INCENP: variants seen among roughly 807,000 people sequenced by gnomAD.
INCENP encodes the protein inner centromere protein, also known as binds and activates aurora-B and -C in vivo and in vitro.
INCENP carries 43 observed loss-of-function variants against 107.3 expected under a neutral mutation model. That is an observed-to-expected ratio of 0.40 (90% confidence interval 0.31 to 0.52). INCENP has a LOEUF of 0.52. Among genes scored for constraint, INCENP ranks in the 20% least tolerant of loss-of-function variants. INCENP has a pLI of 0.53. For synonymous variants in INCENP, 488 were observed against 494.4 expected, an observed-to-expected ratio of 0.99 and a Z score of 0.17; for missense variants, 1,089 against 1,250.9, an observed-to-expected ratio of 0.87 and a Z score of 1.95.
chr11:62,141,203 T>C (rs1944114780), intron 10 of INCENP, among the ~76,000 whole-genome samples, 159 bp downstream of exon 10: 1 of 152,198 alleles, frequency 6.6e-6, no homozygotes, highest in Non-Finnish European at 1.5e-5. Context: ...GGCCACCGGC[T>C]GTCTTGACCT....
rs371190959 is a variant in INCENP, at chr11:62,150,232, G to C, written c.2542+25G>C. 294 of 1,612,748 alleles carry C rather than the reference G, an allele frequency of 1.8e-4. 2 individuals carry two copies. In the African/African-American group the frequency reaches 3.6e-3, roughly 20 times the overall value. ...GGTAAGCAAAGCCCACAGCTCCCTG[G>C]GAGACTCAGGCCCTCCCTGGTCCTC... On this transcript the variant is annotated intron_variant, in intron 18 of 18. Coordinates refer to ENST00000394818, the MANE Select transcript of INCENP (RefSeq NM_001040694.2).
intron 18 of INCENP, among the ~76,000 whole-genome samples, chr11:62,151,246 G>A (rs1482902389): frequency 2.0e-5 from 3 of 152,198 alleles, no homozygotes; most frequent in African/African-American, 4.8e-5. Flanking sequence ...CTGGCCTCCT[G>A]ATCCCCTGGG....
At position 62,150,259 on chromosome 11, in the gene INCENP, C is replaced by T. The variant is rs367562513; in HGVS notation, c.2542+52C>T. Reference sequence around the variant, plus strand: ...AGACTCAGGCCCTCCCTGGTCCTCACCTTGAGGGCCCTGGAAGTAGTGGGT... The same window carrying T: ...AGACTCAGGCCCTCCCTGGTCCTCATCTTGAGGGCCCTGGAAGTAGTGGGT... On this transcript the variant is annotated intron_variant, in intron 18 of 18. Transcript: ENST00000394818. 6,297 of 1,581,732 alleles carry T rather than the reference C, an allele frequency of 4.0e-3. 22 individuals are homozygous for T. The highest frequency in any genetic ancestry group is 5.9e-3 in the South Asian group (531 of 89,502).
Position 62,128,674 on chromosome 11 carries a change from G to T in INCENP, c.141-96G>T, listed in dbSNP as rs1364151285. ...GGTGCTGGACACCCCAGCTTGACCT[G>T]TCGCTGCCAGGAAATGGGCAGGGGC... On this transcript the variant is annotated intron_variant, in intron 2 of 18. Transcript: ENST00000394818. The T allele has an allele frequency of 3.4e-6, 3 of 881,158 alleles. No individual in the cohort carries two copies. The African/African-American group carries it at 4.9e-5, about 14-fold the overall frequency. The allele number at this position is 881,158 out of a possible 1,614,324, so 54.6% of individuals were successfully genotyped here.
chr11:62,129,877 A>G lies in INCENP; in HGVS notation c.350A>G (p.Asn117Ser). 1 of 1,613,482 alleles carries G rather than the reference A, an allele frequency of 6.2e-7. No individual in the cohort carries two copies. The highest frequency in any genetic ancestry group is 1.1e-5 in the South Asian group (1 of 91,064). Reference protein sequence around the residue: ...VEKLATVVGENGSVLRRVTRA... With the variant: ...VEKLATVVGESGSVLRRVTRA... ...AAGCTGGCTACAGTGGTCGGGGAGA[A>G]CGGCTCCGTCCTGCGGCGTGTGACC... The change falls in exon 4 of 19, where the codon AAC becomes AGC. Residue 117 changes from asparagine to serine, a missense_variant. Physicochemically the swap from Asn to Ser is conservative, Grantham distance 46 (BLOSUM62 1). Coordinates refer to ENST00000394818, the MANE Select transcript of INCENP (RefSeq NM_001040694.2).
Position 62,153,062 on chromosome 11 carries a change from G to A in INCENP, c.*1086G>A, listed in dbSNP as rs1944409241. 6.6e-6 allele frequency: 1 copy of A among 152,190 alleles called. No individual in the cohort carries two copies. Among genetic ancestry groups the A allele is most frequent in the Non-Finnish European group, 1.5e-5 (1 of 68,036 alleles). The allele number at this position is 152,190 out of a possible 1,614,324, so 9.4% of individuals were successfully genotyped here. A position where few individuals can be genotyped will look rare whatever the true frequency, so the allele number is the denominator to read the frequency against. ...TGCTCCGAGGGCAGTGTTAAGTTGT[G>A]CAGCAGAGGCCCCTCCATGCAAAGC... is the stretch of plus-strand genomic sequence containing the variant. On this transcript the variant is annotated 3_prime_UTR_variant, in exon 19 of 19. Transcript: ENST00000394818.
At chr11:62,142,127 T>G (rs907363462) in intron 11 of INCENP, among the ~76,000 whole-genome samples, 3 of 152,176 alleles carry the variant, frequency 2.0e-5, no homozygotes, top group African/African-American at 7.2e-5. Context: ...GGGACATGCT[T>G]AGCCTGCAGC....
chr11:62,130,281 C>T lies in INCENP; in HGVS notation c.754C>T (p.Arg252Trp), dbSNP rs149820986. The T allele has an allele frequency of 6.3e-4, 1,009 of 1,612,380 alleles. 5 individuals carry two copies. Among genetic ancestry groups the T allele is most frequent in the Middle Eastern group, 2.0e-3 (12 of 6,062 alleles). Residue 252 changes from arginine (R) to tryptophan (W), a missense_variant, in exon 4 of 19, where the codon CGG becomes TGG. Coordinates refer to ENST00000394818, the MANE Select transcript of INCENP (RefSeq NM_001040694.2). ...CAAGGGTCAAGGGGTCGGGACGGGG[C>T]GGTCTGCGTCTAAGCTCAGGATTGC... ...DPKGQGVGTG[R>W]SASKLRIAQV...
In INCENP at chr11:62,140,685, G is replaced by A. The variant is rs372540921; in HGVS notation, c.1344-19G>A. The A allele has an allele frequency of 1.4e-5, 22 of 1,544,546 alleles. No individual in the cohort carries two copies. Among genetic ancestry groups the A allele is most frequent in the East Asian group, 4.9e-5 (2 of 40,904 alleles). The stretch of plus-strand genomic sequence containing the variant: ...CTGTGGCGGGCTGCCCTGTGATGCC[G>A]CCGCCCGCGCCTTGGCAGGAGGAAG... On this transcript the variant is annotated intron_variant, in intron 8 of 18. Transcript: ENST00000394818.
At chr11:62,136,661 CAG>C (rs1388003358) in intron 4 of INCENP, among the ~76,000 whole-genome samples, 3 of 152,034 alleles carry the variant, frequency 2.0e-5, no homozygotes, top group Non-Finnish European at 4.4e-5. Context: ...GCCTGAGTGA[CAG>C]AGTGAGAGTC....
chr11:62,134,630 T>C (rs1371708416), intron 4 of INCENP, among the ~76,000 whole-genome samples: 1 of 152,178 alleles, frequency 6.6e-6, no homozygotes, highest in Non-Finnish European at 1.5e-5. Context: ...AAATAACTTT[T>C]CCAAAACAAA....
At position 62,148,513 on chromosome 11, in the gene INCENP, A is replaced by G. The variant is rs779543802; in HGVS notation, c.2242A>G (p.Lys748Glu). The G allele has an allele frequency of 3.1e-5, 50 of 1,608,288 alleles. No individual in the cohort carries two copies. Among genetic ancestry groups the G allele is most frequent in the Non-Finnish European group, 4.2e-6 (5 of 1,178,284 alleles). Reference sequence around the variant, plus strand: ...GCGGGAGAAGGCCCTGCGGCTGCAGAAGGAGCAGCTGCAGAGGGAACTGGA... The same window carrying G: ...GCGGGAGAAGGCCCTGCGGCTGCAGGAGGAGCAGCTGCAGAGGGAACTGGA... Reference protein sequence around the residue: ...QEREKALRLQKEQLQRELEEK... With the variant: ...QEREKALRLQEEQLQRELEEK... The change falls in exon 16 of 19, where the codon AAG (lysine) becomes GAG (glutamate). Residue 748 changes from lysine to glutamate, a missense_variant. Transcript: ENST00000394818.
In INCENP at chr11:62,151,921, C is replaced by T; in HGVS notation, c.2702C>T (p.Pro901Leu). The T allele has an allele frequency of 1.2e-6, 2 of 1,613,562 alleles. No homozygotes were observed. Among genetic ancestry groups the T allele is most frequent in the Non-Finnish European group, 1.7e-6 (2 of 1,180,044 alleles). ...RTSSAVWNSP[P>L]LQGARVPSSL... ...AGCTCTGCTGTCTGGAACTCACCGCCCCTGCAGGGCGCCAGGGTCCCCAGC... is the reference window on the plus strand; with the variant it reads ...AGCTCTGCTGTCTGGAACTCACCGCTCCTGCAGGGCGCCAGGGTCCCCAGC... Residue 901 changes from proline (P) to leucine (L), a missense_variant, in exon 19 of 19, where the codon CCC becomes CTC. Pro to Leu is a moderately conservative substitution (Grantham distance 98). Transcript: ENST00000394818.
At chr11:62,130,615 C>T (rs760892523) in intron 4 of INCENP, 25 bp downstream of exon 4, 33 of 1,588,376 alleles carry the variant, frequency 2.1e-5, no homozygotes, top group South Asian at 4.6e-5. Context: ...TTGGCAGTGG[C>T]GGGTGGTCCT....
intron 7 of INCENP, among the ~76,000 whole-genome samples, chr11:62,139,845 C>T (rs1357065271): frequency 6.6e-6 from 1 of 152,170 alleles, no homozygotes; most frequent in Non-Finnish European, 1.5e-5. Flanking sequence ...CTGGGGCTGC[C>T]GCCTCGACAG....
In INCENP at chr11:62,128,808, C is replaced by T; in HGVS notation, c.179C>T (p.Pro60Leu). The change falls in exon 3 of 19, where the codon CCT becomes CTT. Residue 60 changes from proline to leucine, a missense_variant. Transcript: ENST00000394818. ...SKEPELMPKTPSQKNRRKKRR... is the reference protein window; with the variant it reads ...SKEPELMPKTLSQKNRRKKRR... ...GAGCCAGAGCTGATGCCCAAAACAC[C>T]TTCTCAGAAGAACCGACGGAAGAAG... 2 of 1,614,148 alleles carry T rather than the reference C, an allele frequency of 1.2e-6. No homozygotes were observed. The highest frequency in any genetic ancestry group is 1.7e-6 in the Non-Finnish European group (2 of 1,179,956).
intron 4 of INCENP, among the ~76,000 whole-genome samples, chr11:62,136,455 G>T (rs1943996299): frequency 2.0e-5 from 3 of 152,132 alleles, no homozygotes. Flanking sequence ...GCTGAGGCAG[G>T]TGGTTCACTT....
rs115734811 is a variant in INCENP, at chr11:62,130,448, G to A, written c.921G>A (p.Pro307=). 5.4e-4 allele frequency: 868 copies of A among 1,614,012 alleles called. 3 individuals carry two copies. The African/African-American group carries it at 6.5e-3, about 12-fold the overall frequency. ...ACTCTCAATCGGTGCGGCACAGCCC[G>A]ATCGCCCCGTCTTCCCCGAGTCCCC... ...RTDSQSVRHS[P]IAPSSPSPQV... Residue 307 remains proline, a synonymous_variant, in exon 4 of 19, where the codon CCG becomes CCA. Transcript: ENST00000394818.
chr11:62,149,029 G>A (rs575257574), intron 17 of INCENP, among the ~76,000 whole-genome samples, 183 bp downstream of exon 17: 1 of 152,160 alleles, frequency 6.6e-6, no homozygotes, highest in East Asian at 1.9e-4. Context: ...TTGAGGTGGG[G>A]GATAAAAAGG....
Sources: gnomAD v4.1 joint callset for allele counts (sites outside exome capture counted in the v4.1 genomes callset) on GRCh38, gnomAD v4.1.1 for gene constraint, MANE v1.5 for transcripts, NCBI Gene and HGNC (gene_info 2026-07-23, HGNC 2026-07-21) for gene names.